AGMO: variants seen among roughly 807,000 people sequenced by gnomAD.
AGMO encodes glyceryl-ether monooxygenase.
Under a neutral mutation model 60.2 loss-of-function variants are expected in AGMO, and 75 were observed. That is an observed-to-expected ratio of 1.25 (90% CI 1.03 to 1.51). The LOEUF (loss-of-function observed/expected upper bound fraction) is 1.51. Among genes scored for constraint, AGMO ranks in the 40% most tolerant of loss-of-function variants. The probability of loss-of-function intolerance (pLI) is 0.00; values close to 1 mark genes in which losing one functional copy is unlikely to be tolerated. For synonymous variants in AGMO, 261 were observed against 177.1 expected (o/e 1.47, Z -3.76); for missense variants, 763 against 525.5 (o/e 1.45, Z -4.42).
chr7:15,369,161 T>G (rs1783101864), intron 10 of AGMO, among the ~76,000 whole-genome samples: 1 of 152,050 alleles, frequency 6.6e-6, no homozygotes, highest in Admixed American at 6.6e-5. Context: ...AACAGCACAA[T>G]TAATACCCTA....
At chr7:15,378,634 C>G (rs1783551897) in intron 10 of AGMO, among the ~76,000 whole-genome samples, 2 of 151,722 alleles carry the variant, frequency 1.3e-5, no homozygotes, top group African/African-American at 4.8e-5. Flanking sequence ...ATTAGATCAT[C>G]CAGACAGAGA....
intron 12 of AGMO, among the ~76,000 whole-genome samples, chr7:15,323,485 G>GTAGGAGGGATATTGTCAACATTATACT (rs1781245520): frequency 6.6e-6 from 1 of 152,122 alleles, no homozygotes; most frequent in Non-Finnish European, 1.5e-5. Flanking sequence ...TATGGAGATG[G>GTAGGAGGGATATTGTCAACATTATACT]TAGGAGGGAT....
chr7:15,371,061 T>C (rs926630903), intron 10 of AGMO, among the ~76,000 whole-genome samples: 2 of 152,186 alleles, frequency 1.3e-5, no homozygotes, highest in African/African-American at 4.8e-5. Flanking sequence ...TGGCTAGCCA[T>C]ATGCAGAAGA....
chr7:15,286,002 T>C (rs1029756906), intron 12 of AGMO, among the ~76,000 whole-genome samples: 1 of 152,268 alleles, frequency 6.6e-6, no homozygotes, highest in Non-Finnish European at 1.5e-5. Flanking sequence ...TAAATGTTGC[T>C]GTGAAAACTG....
downstream of AGMO, among the ~76,000 whole-genome samples, chr7:15,199,097 C>T (rs1168908337): frequency 6.6e-6 from 1 of 152,166 alleles, no homozygotes; most frequent in Admixed American, 6.5e-5. Context: ...CAGGAATAAA[C>T]AAGGACACCT....
rs112924079 is a variant in AGMO, at chr7:15,381,990, G to A, written c.1074+3456C>T. Among the ~76,000 whole-genome samples the A allele has an allele frequency of 5.6e-3, 844 of 152,060 alleles. 9 individuals are homozygous for A. Among genetic ancestry groups the A allele is most frequent in the African/African-American group, 0.019 (783 of 41,482 alleles). On this transcript the variant is annotated intron_variant, in intron 10 of 12. Coordinates refer to ENST00000342526, the MANE Select transcript of AGMO (RefSeq NM_001004320.2). ...CTAAATGATGAGAACACATGGACAC[G>A]TAAGAGGAACAACACACACTGGGGT...
chr7:15,308,044 G>T (rs1237341323), intron 12 of AGMO, among the ~76,000 whole-genome samples: 1 of 152,016 alleles, frequency 6.6e-6, no homozygotes, highest in Non-Finnish European at 1.5e-5. Flanking sequence ...CTCCAGGCTT[G>T]CTGGTCCTCA....
intron 5 of AGMO, among the ~76,000 whole-genome samples, chr7:15,409,413 T>C (rs1374827312): frequency 6.6e-6 from 1 of 151,936 alleles, no homozygotes; most frequent in African/African-American, 2.4e-5. Context: ...TGAAGTATGG[T>C]CAAAATTTTT....
chr7:15,117,258 T>C, the AGMO span, among the ~76,000 whole-genome samples: 1 of 152,120 alleles, frequency 6.6e-6, no homozygotes, highest in African/African-American at 2.4e-5. Flanking sequence ...ATTAGCGGTT[T>C]CCAAGGCTTG....
chr7:15,135,159 AGTTTGT>A, the AGMO span, among the ~76,000 whole-genome samples: 10,016 of 124,952 alleles, frequency 0.08, 664 homozygotes, highest in African/African-American at 0.21. Context: ...TATTTATATG[AGTTTGT>A]GTGTGTGTGT....
rs567730733 is a variant in AGMO at position 15,537,907 on chromosome 7, G to C, written c.409+6865C>G. Among the ~76,000 whole-genome samples the C allele has an allele frequency of 4.9e-3, 742 of 151,962 alleles. 3 individuals carry two copies. The highest frequency in any genetic ancestry group is 7.1e-3 in the Non-Finnish European group (480 of 67,964). ...AGGGGAAATAATGGTGACCTTTCCA[G>C]TTCATACATATTTTAAGTGCTTCAA... On this transcript the variant is annotated intron_variant, in intron 3 of 12. Transcript: ENST00000342526.
intron 12 of AGMO, among the ~76,000 whole-genome samples, chr7:15,321,172 G>GAA (rs1374301222): frequency 6.6e-6 from 1 of 152,096 alleles, no homozygotes; most frequent in Non-Finnish European, 1.5e-5. Context: ...GGAATTAATA[G>GAA]AATGCTATTT....
chr7:15,209,411 A>G (rs749772962), intron 12 of AGMO, among the ~76,000 whole-genome samples: 1 of 152,164 alleles, frequency 6.6e-6, no homozygotes, highest in African/African-American at 2.4e-5. Flanking sequence ...TTAGGGAAAA[A>G]ATGCCATGTT....
the AGMO span, among the ~76,000 whole-genome samples, chr7:15,195,047 T>A: frequency 0.014 from 2,066 of 152,250 alleles, 41 homozygotes; most frequent in African/African-American, 0.043. Context: ...TATGGACATC[T>A]TTTACATTTA....
chr7:15,354,826 G>A (rs777675181), intron 12 of AGMO, among the ~76,000 whole-genome samples: 8 of 150,680 alleles, frequency 5.3e-5, no homozygotes, highest in African/African-American at 1.9e-4. Flanking sequence ...CGTAATTCAC[G>A]AGAATTTGTT....
At chr7:15,499,992 G>C (rs1326014209) in intron 3 of AGMO, among the ~76,000 whole-genome samples, 1 of 150,414 alleles carries the variant, frequency 6.6e-6, no homozygotes. Flanking sequence ...TGAAGTAAGA[G>C]TTAGTAAAAA....
At chr7:15,150,476 C>A in the AGMO span, among the ~76,000 whole-genome samples, 1 of 151,976 alleles carries the variant, frequency 6.6e-6, no homozygotes, top group Non-Finnish European at 1.5e-5. Flanking sequence ...GAGGTATGTT[C>A]CTTCAATGGC....
At chr7:15,396,698 T>C (rs1403346539) in intron 5 of AGMO, 2 of 151,460 alleles carry the variant, frequency 1.3e-5, no homozygotes, top group Non-Finnish European at 2.9e-5. Context: ...AGCTGATTGG[T>C]CCACTTTACA....
the AGMO span, among the ~76,000 whole-genome samples, chr7:15,174,502 A>T: frequency 6.6e-6 from 1 of 152,020 alleles, no homozygotes; most frequent in African/African-American, 2.4e-5. Flanking sequence ...AAAAAGATGG[A>T]CTCCTTGGTA....
Sources: allele counts gnomAD v4.1 joint callset (sites outside exome capture counted in the v4.1 genomes callset), GRCh38; gene constraint gnomAD v4.1.1; transcripts MANE v1.5; gene names NCBI Gene and HGNC (gene_info 2026-07-23, HGNC 2026-07-21).